The following TRPM3 variants were observed in gnomAD, a reference collection of about 807,000 sequenced individuals.
TRPM3 encodes long transient receptor potential channel 3.
In TRPM3, 77 loss-of-function variants were observed where a neutral mutation model predicts 181.2. That is an observed-to-expected ratio of 0.42 (90% CI 0.35 to 0.51). The LOEUF (loss-of-function observed/expected upper bound fraction) is 0.51. Ranked by LOEUF, TRPM3 falls within the 20% of genes least tolerant of loss-of-function variation. The pLI, the probability that TRPM3 is intolerant of heterozygous loss-of-function variation, is 0.01. For synonymous variants in TRPM3, 745 were observed against 796.4 expected, an observed-to-expected ratio of 0.94 and a Z score of 1.09; for missense variants, 1,759 against 2,196.7, an observed-to-expected ratio of 0.80 and a Z score of 3.98.
intron 1 of TRPM3, among the ~76,000 whole-genome samples, chr9:71,063,837 TG>T (rs1453220746): frequency 3.9e-5 from 6 of 152,074 alleles, no homozygotes; most frequent in Non-Finnish European, 5.9e-5. Context: ...TTTTTCCAGG[TG>T]ACATTTCCAG....
chr9:70,578,938 GA>G (rs1418783906), intron 22 of TRPM3, among the ~76,000 whole-genome samples: 1 of 152,154 alleles, frequency 6.6e-6, no homozygotes, highest in Non-Finnish European at 1.5e-5. Flanking sequence ...CCTGGGTTGT[GA>G]CAACCAAAAT....
intron 1 of TRPM3, among the ~76,000 whole-genome samples, chr9:71,369,567 G>C (rs540923018): frequency 3.3e-5 from 5 of 152,098 alleles, no homozygotes. Context: ...GCAGTGGCGC[G>C]ATCTCAGCTC....
intron 1 of TRPM3, chr9:70,917,433 C>T (rs2096608992): frequency 7.4e-6 from 6 of 808,166 alleles, no homozygotes; most frequent in South Asian, 2.8e-5. Flanking sequence ...GAAATGAACT[C>T]GGCCAGACTG....
At chr9:71,260,935 A>AT (rs2083009841) in intron 1 of TRPM3, among the ~76,000 whole-genome samples, 1 of 151,800 alleles carries the variant, frequency 6.6e-6, no homozygotes, top group African/African-American at 2.4e-5. Context: ...TGCCCTTAAC[A>AT]TTTTTTCCTT....
intron 1 of TRPM3, among the ~76,000 whole-genome samples, chr9:71,282,990 C>T (rs186871784): frequency 1.4e-4 from 22 of 152,258 alleles, no homozygotes; most frequent in Admixed American, 1.2e-3. Context: ...GGTGCCATAT[C>T]GTGATCCTTC....
At chr9:70,907,084 G>C (rs887498315) in intron 1 of TRPM3, among the ~76,000 whole-genome samples, 1 of 152,126 alleles carries the variant, frequency 6.6e-6, no homozygotes, top group Non-Finnish European at 1.5e-5. Context: ...ATTGAAAACA[G>C]TATAATTTTA....
intron 1 of TRPM3, among the ~76,000 whole-genome samples, chr9:71,280,518 A>G (rs1225441716): frequency 6.6e-6 from 1 of 152,118 alleles, no homozygotes; most frequent in Non-Finnish European, 1.5e-5. Flanking sequence ...TCTCAGAAAA[A>G]AAAAGAAAAG....
At chr9:71,267,129 C>A (rs1228799731) in intron 1 of TRPM3, among the ~76,000 whole-genome samples, 1 of 152,096 alleles carries the variant, frequency 6.6e-6, no homozygotes, top group East Asian at 1.9e-4. Flanking sequence ...CCCTTCACCT[C>A]CTGCCCCCTT....
chr9:70,945,471 C>A (rs561525368), intron 1 of TRPM3, among the ~76,000 whole-genome samples: 50 of 152,254 alleles, frequency 3.3e-4, no homozygotes, highest in African/African-American at 1.2e-3. Flanking sequence ...CTACCACCAC[C>A]TTCCTTGCTA....
chr9:71,245,423 G>T (rs1460871389), intron 1 of TRPM3, among the ~76,000 whole-genome samples: 19 of 140,338 alleles, frequency 1.4e-4, no homozygotes, highest in African/African-American at 4.8e-4. Context: ...CAGTCTGGGT[G>T]AGAGAGCGAG....
intron 1 of TRPM3, among the ~76,000 whole-genome samples, chr9:70,888,545 GGTTTTGT>G (rs1180384196): frequency 6.6e-6 from 1 of 152,062 alleles, no homozygotes; most frequent in African/African-American, 2.4e-5. Context: ...GCCAGGTACA[GGTTTTGT>G]TTTAAACTTT....
chr9:70,549,883 G>A (rs2046044555), intron 24 of TRPM3, among the ~76,000 whole-genome samples: 2 of 152,258 alleles, frequency 1.3e-5, no homozygotes, highest in South Asian at 4.1e-4. Flanking sequence ...GGTCTCTGAA[G>A]TTCACCTGAG....
intron 1 of TRPM3, among the ~76,000 whole-genome samples, chr9:71,075,045 G>A (rs1056317430): frequency 3.3e-5 from 5 of 152,028 alleles, no homozygotes; most frequent in Admixed American, 3.3e-4. Flanking sequence ...AATTCTAGAA[G>A]TCACTGTCAT....
At chr9:70,990,012 G>A (rs1382206295) in intron 1 of TRPM3, among the ~76,000 whole-genome samples, 1 of 152,128 alleles carries the variant, frequency 6.6e-6, no homozygotes, top group Non-Finnish European at 1.5e-5. Context: ...GAAAGGTACT[G>A]TAAATTCTAA....
chr9:70,940,394 T>C (rs376283003), intron 1 of TRPM3, among the ~76,000 whole-genome samples: 16 of 152,344 alleles, frequency 1.1e-4, no homozygotes, highest in East Asian at 7.7e-4. Context: ...CATTAGAATA[T>C]AAGGACGGCA....
chr9:71,199,468 C>G (rs1307634894), intron 1 of TRPM3, among the ~76,000 whole-genome samples: 2 of 152,120 alleles, frequency 1.3e-5, no homozygotes, highest in East Asian at 3.9e-4. Context: ...CTCCTTGTAC[C>G]TCTGGTAGAA....
chr9:70,678,901 C>T (rs1196756212), intron 9 of TRPM3, among the ~76,000 whole-genome samples: 1 of 152,250 alleles, frequency 6.6e-6, no homozygotes, highest in Non-Finnish European at 1.5e-5. Flanking sequence ...ATAGCCTTTA[C>T]AAATCAAATG....
intron 1 of TRPM3, among the ~76,000 whole-genome samples, chr9:71,258,683 T>G (rs538081085): frequency 6.6e-6 from 1 of 152,230 alleles, no homozygotes; most frequent in African/African-American, 2.4e-5. Flanking sequence ...CAGTGGGTAC[T>G]ATGATCATTG....
intron 9 of TRPM3, among the ~76,000 whole-genome samples, chr9:70,650,171 G>A (rs183046582): frequency 6.6e-6 from 1 of 152,262 alleles, no homozygotes; most frequent in Non-Finnish European, 1.5e-5. Context: ...TGGAGGGTGG[G>A]AGGAGGGTGA....
Sources: allele counts gnomAD v4.1 joint callset (sites outside exome capture counted in the v4.1 genomes callset), GRCh38; gene constraint gnomAD v4.1.1; transcripts MANE v1.5; gene names NCBI Gene and HGNC (gene_info 2026-07-23, HGNC 2026-07-21).